The following RLF variants were observed in gnomAD, a reference collection of about 807,000 sequenced individuals.
RLF encodes the protein zinc finger protein Rlf.
RLF carries 7 observed loss-of-function variants against 162.9 expected under a neutral mutation model. That is an observed-to-expected ratio of 0.04 (90% CI 0.02 to 0.08). RLF has a LOEUF of 0.08. RLF is among the 10% of genes least tolerant of loss of function. RLF has a pLI of 1.00. For synonymous variants in RLF, 782 were observed against 791.5 expected (o/e 0.99, Z 0.20); for missense variants, 1,664 against 2,244.7 (o/e 0.74, Z 5.23).
At chr1:40,189,243 G>A (rs1273036458) in intron 2 of RLF, 34 bp downstream of exon 2, 1 of 1,576,034 alleles carries the variant, frequency 6.3e-7, no homozygotes, top group Non-Finnish European at 8.7e-7. Context: ...TCTTAAAATT[G>A]AGTACCATTG....
At chr1:40,185,931 C>G (rs180790430) in intron 1 of RLF, among the ~76,000 whole-genome samples, 1 of 147,502 alleles carries the variant, frequency 6.8e-6, no homozygotes, top group African/African-American at 2.5e-5. Context: ...CCAAGGCAGG[C>G]GGATCACTTG....
At chr1:40,163,806 C>T (rs1400850690) in intron 1 of RLF, among the ~76,000 whole-genome samples, 3 of 152,090 alleles carry the variant, frequency 2.0e-5, no homozygotes, top group African/African-American at 7.2e-5. Flanking sequence ...CCTTTATCTC[C>T]TTATAATGCT....
chr1:40,195,492 A>G, intron 3 of RLF, 140 bp from the exon 4 acceptor site: 1 of 592,796 alleles, frequency 1.7e-6, no homozygotes, highest in Non-Finnish European at 2.8e-6. Context: ...CAAGGCTTTG[A>G]GTATAGTCTT....
At chr1:40,221,913 A>AG (rs1377385510) in intron 5 of RLF, among the ~76,000 whole-genome samples, 1 of 151,272 alleles carries the variant, frequency 6.6e-6, no homozygotes, top group Non-Finnish European at 1.5e-5. Context: ...AAAAAAAAAA[A>AG]AAAAAGAGAA....
chr1:40,171,855 G>T (rs1557737165), intron 1 of RLF, among the ~76,000 whole-genome samples: 1 of 152,078 alleles, frequency 6.6e-6, no homozygotes, highest in African/African-American at 2.4e-5. Flanking sequence ...AAAAGCTCCT[G>T]TCATATACAC....
intron 1 of RLF, among the ~76,000 whole-genome samples, chr1:40,179,157 C>T (rs1642373094): frequency 6.6e-6 from 1 of 152,218 alleles, no homozygotes; most frequent in Admixed American, 6.5e-5. Context: ...TTTAAAAAAG[C>T]TATTTTGTAG....
intron 5 of RLF, among the ~76,000 whole-genome samples, chr1:40,209,832 G>A (rs1458599402): frequency 1.3e-5 from 2 of 151,080 alleles, no homozygotes; most frequent in African/African-American, 2.4e-5. Context: ...AGCCAGGATC[G>A]TGCCATTTGC....
chr1:40,184,385 C>T (rs1358087789), intron 1 of RLF, among the ~76,000 whole-genome samples: 1 of 152,098 alleles, frequency 6.6e-6, no homozygotes, highest in Non-Finnish European at 1.5e-5. Flanking sequence ...TGAATGGCTA[C>T]AGAGATAAAG....
intron 6 of RLF, among the ~76,000 whole-genome samples, chr1:40,226,092 A>C (rs947754551): frequency 6.6e-6 from 1 of 152,182 alleles, no homozygotes; most frequent in African/African-American, 2.4e-5. Context: ...ACTGTCACTC[A>C]GAACGGTTTT....
In RLF at chr1:40,201,577, G is replaced by A. The variant is rs1437835030; in HGVS notation, c.608-835G>A. On this transcript the variant is annotated intron_variant, in intron 4 of 7. Transcript: ENST00000372771. ...GGAGGCGGAGCTTGCAGTGAGCCAA[G>A]ATCGCGCCACGGCACTCCAGCCTGG... Among the ~76,000 whole-genome samples, 3 of 138,272 alleles carry A rather than the reference G, an allele frequency of 2.2e-5. No homozygotes were observed. The East Asian group carries it at 6.5e-4, about 30-fold the overall frequency. The allele number at this position is 138,272 out of a possible 152,430, so 90.7% of individuals were successfully genotyped here. A position where few individuals can be genotyped will look rare whatever the true frequency, so the allele number is the denominator to read the frequency against.
At chr1:40,167,722 C>G (rs935930125) in intron 1 of RLF, among the ~76,000 whole-genome samples, 1 of 150,696 alleles carries the variant, frequency 6.6e-6, no homozygotes, top group African/African-American at 2.4e-5. Flanking sequence ...TTCTTCAAAT[C>G]ACTACTAATC....
intron 4 of RLF, among the ~76,000 whole-genome samples, chr1:40,198,191 T>A (rs1051016886): frequency 6.8e-6 from 1 of 146,346 alleles, no homozygotes; most frequent in Non-Finnish European, 1.5e-5. Context: ...TTAGTAGAGA[T>A]GGGGTTTCTC....
At chr1:40,182,786 T>TAGAC (rs1260277474) in intron 1 of RLF, among the ~76,000 whole-genome samples, 2 of 151,858 alleles carry the variant, frequency 1.3e-5, no homozygotes, top group African/African-American at 4.8e-5. Flanking sequence ...GATAGATAGA[T>TAGAC]AGATAGAGTA....
chr1:40,214,623 T>A (rs1642900816), intron 5 of RLF, among the ~76,000 whole-genome samples: 1 of 152,052 alleles, frequency 6.6e-6, no homozygotes, highest in South Asian at 2.1e-4. Context: ...GAAACATGCT[T>A]AAAGAATTAA....
At chr1:40,165,241 A>G (rs1297943901) in intron 1 of RLF, among the ~76,000 whole-genome samples, 1 of 152,182 alleles carries the variant, frequency 6.6e-6, no homozygotes, top group Non-Finnish European at 1.5e-5. Flanking sequence ...ACCTGAATCC[A>G]ACTTGTTTAC....
chr1:40,196,389 T>C (rs867945873), intron 4 of RLF, among the ~76,000 whole-genome samples: 3 of 152,150 alleles, frequency 2.0e-5, no homozygotes, highest in Admixed American at 6.5e-5. Flanking sequence ...ACCTTTTTTA[T>C]TGGCTGCAAC....
chr1:40,238,101 A>T lies in RLF; in HGVS notation c.3399A>T (p.Gly1133=). The T allele has an allele frequency of 6.2e-7, 1 of 1,614,082 alleles. No homozygotes were observed. Among genetic ancestry groups the T allele is most frequent in the South Asian group, 1.1e-5 (1 of 91,058 alleles). ...AAKPFFCELQ[G]CKYEFVTREA... ...AGCCGTTTTTCTGTGAGCTTCAAGG[A>T]TGCAAATATGAATTTGTGACCAGAG... The change falls in exon 8 of 8, where the codon GGA becomes GGT. Residue 1133 remains glycine (G), a synonymous_variant. Coordinates refer to ENST00000372771, the MANE Select transcript of RLF (RefSeq NM_012421.4). The surrounding 1 kb of genome is among the most constrained non-coding windows in gnomAD (Gnocchi z 5.2).
chr1:40,175,533 C>T (rs1342170963), intron 1 of RLF, among the ~76,000 whole-genome samples: 3 of 151,912 alleles, frequency 2.0e-5, no homozygotes, highest in Admixed American at 6.6e-5. Context: ...CCTGTAATCC[C>T]GGCTACTTGG....
At chr1:40,190,985 A>T (rs1642549859) in intron 3 of RLF, 132 bp downstream of exon 3, 1 of 472,556 alleles carries the variant, frequency 2.1e-6, no homozygotes, top group Non-Finnish European at 3.7e-6. Context: ...TGAAATGATA[A>T]AAAGGCCCTT....
Sources: gnomAD v4.1 joint callset for allele counts (sites outside exome capture counted in the v4.1 genomes callset) on GRCh38, gnomAD v4.1.1 for gene constraint, Gnocchi (gnomAD v3.1) non-coding constraint, MANE v1.5 for transcripts, NCBI Gene and HGNC (gene_info 2026-07-23, HGNC 2026-07-21) for gene names.